The following ARHGEF12 variants were observed in gnomAD, a reference collection of about 807,000 sequenced individuals.
ARHGEF12 encodes Rho guanine nucleotide exchange factor 12, also known as KMT2A/ARHGEF12 fusion protein.
A neutral mutation model predicts 211.2 loss-of-function variants in ARHGEF12; 66 were observed. The observed-to-expected ratio is 0.31, with a 90% confidence interval of 0.26 to 0.38. The LOEUF is 0.38. Among genes scored for constraint, ARHGEF12 ranks in the 10% least tolerant of loss-of-function variants. ARHGEF12 has a pLI of 1.00. For missense variants in ARHGEF12, 1,429 were observed against 1,869.5 expected, an observed-to-expected ratio of 0.76 and a Z score of 4.34; for synonymous variants, 592 against 638.4, an observed-to-expected ratio of 0.93 and a Z score of 1.09.
At chr11:120,457,777 T>C (rs754658631) in intron 24 of ARHGEF12, 21 bp downstream of exon 24, 1 of 1,605,892 alleles carries the variant, frequency 6.2e-7, no homozygotes, top group Admixed American at 1.7e-5. Flanking sequence ...CTTAAGCAGC[T>C]TTCAATAAAG....
chr11:120,425,041 G>C (rs1591574313), intron 7 of ARHGEF12, among the ~76,000 whole-genome samples: 1 of 152,196 alleles, frequency 6.6e-6, no homozygotes, highest in Non-Finnish European at 1.5e-5. Flanking sequence ...GCTTGAAGCA[G>C]TGGGAGTCTG....
chr11:120,438,162 A>G (rs951128961), intron 12 of ARHGEF12, among the ~76,000 whole-genome samples: 1 of 152,234 alleles, frequency 6.6e-6, no homozygotes, highest in African/African-American at 2.4e-5. Context: ...TAAAAGATAC[A>G]ACAGCATTTT....
chr11:120,406,184 ATT>A, intron 2 of ARHGEF12, 43 bp downstream of exon 2: 1 of 1,344,260 alleles, frequency 7.4e-7, no homozygotes, highest in Non-Finnish European at 9.9e-7. Context: ...TTTAGGTTAT[ATT>A]TTAATTATAA....
chr11:120,458,846 T>C (rs1038482036), intron 25 of ARHGEF12: 1 of 167,546 alleles, frequency 6.0e-6, no homozygotes, highest in African/African-American at 2.4e-5. Flanking sequence ...GGGCTCAAGT[T>C]AAAGGCTATA....
At chr11:120,338,657 G>GC (rs1942432187) in intron 1 of ARHGEF12, among the ~76,000 whole-genome samples, 1 of 152,138 alleles carries the variant, frequency 6.6e-6, no homozygotes, top group Non-Finnish European at 1.5e-5. Context: ...TTGCTTCTGA[G>GC]AAATCACTTT....
rs994997458 is a variant in ARHGEF12, at chr11:120,445,296, A to G, written c.1303-126A>G. ...GTTGTGAAATGTGAATGAATAAATG[A>G]GCTTGTACTTGATTGTGCTTGTAGA... On this transcript the variant is annotated intron_variant, in intron 15 of 40. Coordinates refer to ENST00000397843, the MANE Select transcript of ARHGEF12 (RefSeq NM_015313.3). 4.7e-5 allele frequency: 40 copies of G among 854,842 alleles called. No individual in the cohort carries two copies. The African/African-American group carries it at 6.5e-4, about 14-fold the overall frequency. The allele number at this position is 854,842 out of a possible 1,614,324, so 53.0% of individuals were successfully genotyped here.
At chr11:120,470,526 A>T (rs1946837828) in intron 30 of ARHGEF12, among the ~76,000 whole-genome samples, 1 of 152,194 alleles carries the variant, frequency 6.6e-6, no homozygotes. Context: ...AGTTGGCTGT[A>T]TGGGCCCACC....
chr11:120,396,703 G>A (rs1208801434), intron 1 of ARHGEF12, among the ~76,000 whole-genome samples: 1 of 152,122 alleles, frequency 6.6e-6, no homozygotes, highest in Non-Finnish European at 1.5e-5. Flanking sequence ...AAAATAGAAA[G>A]TCACTCAGCT....
intron 1 of ARHGEF12, among the ~76,000 whole-genome samples, chr11:120,367,465 A>G (rs761763655): frequency 1.3e-4 from 18 of 140,640 alleles, no homozygotes; most frequent in Non-Finnish European, 2.1e-4. Context: ...TCCTGGGTTC[A>G]AGCGATTCTC....
chr11:120,467,349 A>G, intron 29 of ARHGEF12, 41 bp downstream of exon 29: 1 of 1,200,250 alleles, frequency 8.3e-7, no homozygotes, highest in Non-Finnish European at 1.2e-6. Context: ...AAGAACAACA[A>G]CAACGAAACA....
At chr11:120,479,435 A>G (rs1324594054) in intron 37 of ARHGEF12, among the ~76,000 whole-genome samples, 1 of 152,248 alleles carries the variant, frequency 6.6e-6, no homozygotes, top group East Asian at 1.9e-4. Flanking sequence ...GTGACCTCAT[A>G]GCATACACTT....
At chr11:120,346,394 A>G (rs1257668050) in intron 1 of ARHGEF12, among the ~76,000 whole-genome samples, 1 of 152,228 alleles carries the variant, frequency 6.6e-6, no homozygotes, top group East Asian at 1.9e-4. Context: ...TGGATGAGGG[A>G]GAGAGCAAGA....
intron 1 of ARHGEF12, chr11:120,385,524 A>G (rs1944003055): frequency 1.0e-6 from 1 of 974,186 alleles, no homozygotes; most frequent in African/African-American, 1.8e-5. Context: ...GGTCGTGTAT[A>G]AAATGGAGCA....
chr11:120,395,734 A>G (rs189994362), intron 1 of ARHGEF12, among the ~76,000 whole-genome samples: 10 of 152,122 alleles, frequency 6.6e-5, no homozygotes, highest in Admixed American at 4.6e-4. Context: ...GACTTATTCA[A>G]TATCCCAAGA....
At position 120,484,378 on chromosome 11, in the gene ARHGEF12, TTTTTG is replaced by T. The variant is rs1158332986; in HGVS notation, c.4555-46_4555-42del. 1.2e-4 allele frequency: 181 copies of T among 1,497,474 alleles called. 2 individuals are homozygous for T. Among genetic ancestry groups the T allele is most frequent in the South Asian group, 4.7e-5 (4 of 84,988 alleles). The allele number at this position is 1,497,474 out of a possible 1,614,324, so 92.8% of individuals were successfully genotyped here. On this transcript the variant is annotated intron_variant, in intron 39 of 40. Coordinates refer to ENST00000397843, the MANE Select transcript of ARHGEF12 (RefSeq NM_015313.3). ...AGGGCTTCTTTTCTGTTTTCTGAAG[TTTTTG>T]TTTTGTTTTGTTTCATTACGTTTGA...
At chr11:120,377,159 GTACTTCGATGAGCTTTGACAAGTGTGTA>G (rs1177778883) in intron 1 of ARHGEF12, among the ~76,000 whole-genome samples, 2 of 152,168 alleles carry the variant, frequency 1.3e-5, no homozygotes, top group African/African-American at 4.8e-5. Flanking sequence ...TTTTAAGTGT[GTACTTCGATGAGCTTTGACAAGTGTGTA>G]TACTTTTTAA....
At chr11:120,417,157 T>G (rs1386998954) in intron 4 of ARHGEF12, among the ~76,000 whole-genome samples, 1 of 152,142 alleles carries the variant, frequency 6.6e-6, no homozygotes, top group Non-Finnish European at 1.5e-5. Flanking sequence ...GCAAACTCCT[T>G]GACTCCAAAT....
intron 1 of ARHGEF12, among the ~76,000 whole-genome samples, chr11:120,339,225 G>T (rs749983264): frequency 1.1e-4 from 17 of 150,434 alleles, no homozygotes; most frequent in Admixed American, 8.6e-4. Context: ...TTTTTACTAG[G>T]GTCTTTTTTT....
chr11:120,442,135 A>G lies in ARHGEF12; in HGVS notation c.1235A>G (p.His412Arg), dbSNP rs376369757. Residue 412 changes from histidine to arginine, a missense_variant, in exon 15 of 41, where the codon CAT becomes CGT. Transcript: ENST00000397843. Reference sequence around the variant, plus strand: ...TATCTCTATTCAGACCTGTATAAACATACCAATTCCAAAGAAACTCGTCGC... The same window carrying G: ...TATCTCTATTCAGACCTGTATAAACGTACCAATTCCAAAGAAACTCGTCGC... ...LCYLYSDLYK[H>R]TNSKETRRIF... The G allele has an allele frequency of 3.7e-5, 60 of 1,610,338 alleles. No homozygotes were observed. Among genetic ancestry groups the G allele is most frequent in the Non-Finnish European group, 4.8e-5 (57 of 1,179,110 alleles).
Sources: allele counts gnomAD v4.1 joint callset (sites outside exome capture counted in the v4.1 genomes callset), GRCh38; gene constraint gnomAD v4.1.1; transcripts MANE v1.5; gene names NCBI Gene and HGNC (gene_info 2026-07-23, HGNC 2026-07-21).